The following ZC3HAV1 variants were observed in gnomAD, a reference collection of about 807,000 sequenced individuals.
ZC3HAV1 encodes zinc finger CCCH-type antiviral protein 1.
Under a neutral mutation model 86.6 loss-of-function variants are expected in ZC3HAV1, and 41 were observed. That is an observed-to-expected ratio of 0.47 (90% confidence interval 0.37 to 0.61). The LOEUF (loss-of-function observed/expected upper bound fraction) is 0.61. Ranked by LOEUF, ZC3HAV1 falls within the 20% of genes least tolerant of loss-of-function variation. The probability of loss-of-function intolerance (pLI) is 0.00; values close to 1 mark genes in which losing one functional copy is unlikely to be tolerated. For synonymous variants in ZC3HAV1, 421 were observed against 432.1 expected (o/e 0.97, Z 0.32); for missense variants, 964 against 1,141.1 (o/e 0.84, Z 2.24).
rs368473833 is a variant in ZC3HAV1, at chr7:139,100,938, C to G, written c.308+8086G>C. On this transcript the variant is annotated intron_variant, in intron 1 of 12. Transcript: ENST00000242351. ...CTGCCATCTCGGCTCACTGCAACCT[C>G]CCTGCCTGATTCTCCTGCCTCAGCC... Among the ~76,000 whole-genome samples the G allele has an allele frequency of 1.4e-4, 21 of 152,358 alleles. No individual in the cohort carries two copies. The East Asian group carries it at 3.1e-3, about 22-fold the overall frequency.
chr7:139,079,371 T>C (rs769452021), intron 4 of ZC3HAV1, 99 bp downstream of exon 4: 4 of 1,602,430 alleles, frequency 2.5e-6, no homozygotes, highest in East Asian at 2.2e-5. Context: ...GTGGCACCAG[T>C]TTTTTCTACA....
At chr7:139,058,714 G>A (rs991299028) in intron 9 of ZC3HAV1, among the ~76,000 whole-genome samples, 2 of 152,086 alleles carry the variant, frequency 1.3e-5, no homozygotes, top group Non-Finnish European at 2.9e-5. Context: ...TGTGAATGAC[G>A]GGAAGGAGTA....
Position 139,108,986 on chromosome 7 carries a change from C to T in ZC3HAV1, c.308+38G>A, listed in dbSNP as rs372754246. The T allele has an allele frequency of 4.0e-6, 6 of 1,506,194 alleles. No individual in the cohort carries two copies. The African/African-American group carries it at 6.9e-5, about 17-fold the overall frequency. The allele number at this position is 1,506,194 out of a possible 1,614,324, so 93.3% of individuals were successfully genotyped here. A position where few individuals can be genotyped will look rare whatever the true frequency, so the allele number is the denominator to read the frequency against. The stretch of plus-strand genomic sequence containing the variant: ...CCGCCTGGACAGTCCACCCCGACCA[C>T]GGCTGCGGACAGCGCCCCTCCCTCC... On this transcript the variant is annotated intron_variant, in intron 1 of 12. Transcript: ENST00000242351. This position sits in a 1 kb window ranked among gnomAD's most constrained non-coding sequence, Gnocchi z 4.2.
chr7:139,079,059 T>G (rs1563133220), intron 4 of ZC3HAV1: 2 of 1,532,590 alleles, frequency 1.3e-6, no homozygotes. Flanking sequence ...GCCACTCTGC[T>G]GCAGACTCAA....
chr7:139,047,633 C>A lies in ZC3HAV1; in HGVS notation c.2670G>T (p.Val890=). ...AGGCTTTGTCTTCAGTATATTCAAT[C>A]ACATATTGTGGGTAAACCTGATCTT... ...FQKDQVYPQY[V]IEYTEDKACV... The change falls in exon 13 of 13, where the codon GTG becomes GTT. Residue 890 remains valine, a synonymous_variant. Coordinates refer to ENST00000242351, the MANE Select transcript of ZC3HAV1 (RefSeq NM_020119.4). 1 of 1,614,120 alleles carries A rather than the reference C, an allele frequency of 6.2e-7. No individual in the cohort carries two copies. The highest frequency in any genetic ancestry group is 8.5e-7 in the Non-Finnish European group (1 of 1,180,024).
Position 139,094,980 on chromosome 7 carries a change from CTTTT to C in ZC3HAV1, c.309-5225_309-5222del, listed in dbSNP as rs367844812. 1.5e-4 allele frequency among the ~76,000 whole-genome samples: 21 copies of C among 136,146 alleles called. No individual in the cohort carries two copies. The East Asian group carries it at 4.0e-3, about 26-fold the overall frequency. The allele number at this position is 136,146 out of a possible 152,430, so 89.3% of individuals were successfully genotyped here. On this transcript the variant is annotated intron_variant, in intron 1 of 12. Coordinates refer to ENST00000242351, the MANE Select transcript of ZC3HAV1 (RefSeq NM_020119.4). ...ACCAAAAAGAGACAGTAACCCGAGT[CTTTT>C]TTTTTTTTTTTTGGACAGTAATTAT...
chr7:139,066,858 G>A (rs1294696857), intron 7 of ZC3HAV1, among the ~76,000 whole-genome samples: 1 of 152,118 alleles, frequency 6.6e-6, no homozygotes, highest in Non-Finnish European at 1.5e-5. Context: ...TCTGTTCCTG[G>A]CTTAAAAGGC....
chr7:139,105,960 T>G (rs991209093), intron 1 of ZC3HAV1, among the ~76,000 whole-genome samples: 1 of 152,092 alleles, frequency 6.6e-6, no homozygotes, highest in Non-Finnish European at 1.5e-5. Context: ...ACTTTATACA[T>G]TAATAGATTA....
intron 1 of ZC3HAV1, among the ~76,000 whole-genome samples, chr7:139,099,273 T>A (rs944968488): frequency 3.3e-5 from 5 of 152,116 alleles, no homozygotes; most frequent in African/African-American, 1.2e-4. Context: ...AAACAGCATG[T>A]CTCTAAGGCC....
intron 6 of ZC3HAV1, among the ~76,000 whole-genome samples, chr7:139,074,409 T>C (rs906086684): frequency 2.4e-4 from 37 of 152,318 alleles, no homozygotes; most frequent in African/African-American, 8.4e-4. Context: ...TTGCAGAAAA[T>C]TGGCAAGGTT....
At chr7:139,073,762 C>T (rs1584853861) in intron 7 of ZC3HAV1, 94 bp downstream of exon 7, 6 of 1,329,386 alleles carry the variant, frequency 4.5e-6, no homozygotes, top group African/African-American at 1.5e-5. Context: ...AAGTGCTGGG[C>T]TTACAGGCAT....
At chr7:139,051,965 A>T (rs912084881) in intron 12 of ZC3HAV1, among the ~76,000 whole-genome samples, 1 of 151,674 alleles carries the variant, frequency 6.6e-6, no homozygotes, top group Non-Finnish European at 1.5e-5. Context: ...ACTGATTCTT[A>T]GTTTTTTTTT....
Position 139,078,545 on chromosome 7 carries a change from T to C in ZC3HAV1, c.1573+7A>G. 6.3e-7 allele frequency: 1 copy of C among 1,590,024 alleles called. No homozygotes were observed. Among genetic ancestry groups the C allele is most frequent in the Non-Finnish European group, 8.5e-7 (1 of 1,171,594 alleles). On this transcript the variant is annotated splice_region_variant and intron_variant, in intron 5 of 12. Transcript: ENST00000242351. ...GAAGCTTACAGAAAAGTCCTTAGGTTACTCACCATTAAGCGGACAACCCTT... is the reference window on the plus strand; with the variant it reads ...GAAGCTTACAGAAAAGTCCTTAGGTCACTCACCATTAAGCGGACAACCCTT...
At chr7:139,062,812 G>A (rs1816483116) in intron 8 of ZC3HAV1, among the ~76,000 whole-genome samples, 1 of 152,008 alleles carries the variant, frequency 6.6e-6, no homozygotes, top group East Asian at 1.9e-4. Flanking sequence ...GGTGGATCAC[G>A]AGGTCAGGAG....
chr7:139,048,092 G>C (rs1213942304), intron 12 of ZC3HAV1, among the ~76,000 whole-genome samples: 1 of 152,192 alleles, frequency 6.6e-6, no homozygotes, highest in African/African-American at 2.4e-5. Context: ...AGCTCATGCT[G>C]ATAGTGTGAG....
At chr7:139,086,684 G>A (rs192243072) in intron 2 of ZC3HAV1, among the ~76,000 whole-genome samples, 20 of 152,216 alleles carry the variant, frequency 1.3e-4, no homozygotes, top group Non-Finnish European at 2.4e-4. Context: ...TAATCCCCAC[G>A]TGTCATGGGA....
chr7:139,078,036 C>G (rs1043373177), intron 5 of ZC3HAV1, among the ~76,000 whole-genome samples: 3 of 152,134 alleles, frequency 2.0e-5, no homozygotes, highest in African/African-American at 4.8e-5. Context: ...GTCAGGAGTT[C>G]AAGACCAGCC....
At chr7:139,089,905 A>ATATT (rs1328784956) in intron 1 of ZC3HAV1, 146 bp from the exon 2 acceptor site, 31 of 761,398 alleles carry the variant, frequency 4.1e-5, no homozygotes, top group Middle Eastern at 4.2e-4. Flanking sequence ...AGAATACACT[A>ATATT]TATTTATTTA....
chr7:139,108,690 C>G lies in ZC3HAV1; in HGVS notation c.308+334G>C, dbSNP rs1231192297. Among the ~76,000 whole-genome samples the G allele has an allele frequency of 6.6e-6, 1 of 152,180 alleles. No homozygotes were observed. Among genetic ancestry groups the G allele is most frequent in the African/African-American group, 2.4e-5 (1 of 41,454 alleles). Reference sequence around the variant, plus strand: ...CTTCCCAAACCTGCCTACCGCTTCTCTAGGCCCTGGCTGGCTCCAGAGCAC... The same window carrying G: ...CTTCCCAAACCTGCCTACCGCTTCTGTAGGCCCTGGCTGGCTCCAGAGCAC... On this transcript the variant is annotated intron_variant, in intron 1 of 12. Transcript: ENST00000242351. The surrounding 1 kb of genome is among the most constrained non-coding windows in gnomAD (Gnocchi z 4.2).
Sources: gnomAD v4.1 joint callset for allele counts (sites outside exome capture counted in the v4.1 genomes callset) on GRCh38, gnomAD v4.1.1 for gene constraint, Gnocchi (gnomAD v3.1) non-coding constraint, MANE v1.5 for transcripts, NCBI Gene and HGNC (gene_info 2026-07-23, HGNC 2026-07-21) for gene names.